SPECC1: variants seen among roughly 807,000 people sequenced by gnomAD.
The protein encoded by SPECC1 is sperm antigen with calponin homology and coiled-coil domains 1.
A neutral mutation model predicts 104.1 loss-of-function variants in SPECC1; 62 were observed. The observed-to-expected ratio is 0.60, with a 90% CI of 0.49 to 0.74. The LOEUF (loss-of-function observed/expected upper bound fraction) is 0.74, where lower values mean the gene tolerates loss of function less well. Among genes scored for constraint, SPECC1 ranks in the 30% least tolerant of loss-of-function variants. The pLI, the probability that SPECC1 is intolerant of heterozygous loss-of-function variation, is 0.00. For synonymous variants in SPECC1, 513 were observed against 501.6 expected (o/e 1.02, Z -0.30); for missense variants, 1,306 against 1,310.5 (o/e 1.00, Z 0.05).
intron 1 of SPECC1, chr17:20,057,875 A>G (rs1334245045): frequency 6.6e-6 from 1 of 152,110 alleles, no homozygotes; most frequent in Non-Finnish European, 1.5e-5. Context: ...ATGTTTCTTT[A>G]TATCATTTTG....
At chr17:20,133,842 C>G (rs2049784286) in intron 3 of SPECC1, among the ~76,000 whole-genome samples, 1 of 152,146 alleles carries the variant, frequency 6.6e-6, no homozygotes, top group Non-Finnish European at 1.5e-5. Context: ...TCCGTATTCC[C>G]AACCAGACCA....
At chr17:20,111,432 A>G (rs2048485677) in intron 3 of SPECC1, among the ~76,000 whole-genome samples, 1 of 152,232 alleles carries the variant, frequency 6.6e-6, no homozygotes. Flanking sequence ...TATAAAGGGA[A>G]TGGCCTGGTT....
chr17:20,204,663 C>A lies in SPECC1; in HGVS notation c.614C>A (p.Thr205Asn). 1 of 1,613,978 alleles carries A rather than the reference C, an allele frequency of 6.2e-7. No individual in the cohort carries two copies. Among genetic ancestry groups the A allele is most frequent in the African/African-American group, 1.3e-5 (1 of 74,974 alleles). ...KEKRTLNAEG[T>N]DALGPNVDGT... ...AAAAGGACTCTGAACGCTGAGGGGA[C>A]TGATGCTTTGGGCCCAAATGTCGAT... Residue 205 changes from threonine (T) to asparagine (N), a missense_variant, in exon 4 of 15, where the codon ACT (threonine) becomes AAT (asparagine). Physicochemically the swap from Thr to Asn is moderately conservative, Grantham distance 65. Coordinates refer to ENST00000395527, the MANE Select transcript of SPECC1 (RefSeq NM_001243439.2).
intron 3 of SPECC1, among the ~76,000 whole-genome samples, chr17:20,175,386 A>G (rs1442032931): frequency 6.6e-6 from 1 of 152,190 alleles, no homozygotes; most frequent in African/African-American, 2.4e-5. Context: ...GTTTACTGCA[A>G]GTTTTCTTCC....
chr17:20,222,893 C>T (rs2037973890), intron 4 of SPECC1, among the ~76,000 whole-genome samples: 1 of 152,042 alleles, frequency 6.6e-6, no homozygotes. Context: ...ATATGGCATG[C>T]CTCTCTCTCC....
intron 12 of SPECC1, among the ~76,000 whole-genome samples, chr17:20,296,404 T>C (rs1419582964): frequency 6.6e-6 from 1 of 152,250 alleles, no homozygotes; most frequent in Non-Finnish European, 1.5e-5. Context: ...ACCAGTACCA[T>C]GCTGTTTTGG....
intron 1 of SPECC1, among the ~76,000 whole-genome samples, chr17:20,061,715 T>G (rs1329718635): frequency 6.6e-6 from 1 of 152,224 alleles, no homozygotes; most frequent in African/African-American, 2.4e-5. Context: ...TTTTAATGTT[T>G]TCTATAACTT....
intron 3 of SPECC1, among the ~76,000 whole-genome samples, chr17:20,134,282 T>C (rs2049810828): frequency 6.6e-6 from 1 of 151,672 alleles, no homozygotes; most frequent in Non-Finnish European, 1.5e-5. Context: ...GCTGCCAGTA[T>C]CCTCAATTTA....
chr17:20,300,589 C>G (rs1021317217), intron 13 of SPECC1, among the ~76,000 whole-genome samples: 16 of 152,220 alleles, frequency 1.1e-4, no homozygotes, highest in Non-Finnish European at 1.8e-4. Context: ...AATTATGGAC[C>G]TAAAAGTGTT....
chr17:20,097,653 G>C (rs2047717089), intron 2 of SPECC1, among the ~76,000 whole-genome samples: 1 of 152,192 alleles, frequency 6.6e-6, no homozygotes, highest in African/African-American at 2.4e-5. Flanking sequence ...ACCAAGCATG[G>C]TGCCGGCTCC....
At chr17:20,068,889 C>G (rs1212092410) in intron 1 of SPECC1, among the ~76,000 whole-genome samples, 4 of 152,144 alleles carry the variant, frequency 2.6e-5, no homozygotes, top group Non-Finnish European at 5.9e-5. Context: ...TTTACACATT[C>G]TAGATACTAG....
At chr17:20,144,696 C>T (rs546245547) in intron 3 of SPECC1, among the ~76,000 whole-genome samples, 2 of 152,024 alleles carry the variant, frequency 1.3e-5, no homozygotes, top group Non-Finnish European at 2.9e-5. Context: ...ACTGGAGCTT[C>T]TGGGCTCAGG....
At chr17:20,043,625 TTAA>T (rs1423549973) in intron 1 of SPECC1, among the ~76,000 whole-genome samples, 2 of 152,338 alleles carry the variant, frequency 1.3e-5, no homozygotes, top group Admixed American at 1.3e-4. Context: ...CATGACTCTG[TTAA>T]TCTTTGGGCA....
At chr17:20,266,613 G>C (rs1249332934) in intron 12 of SPECC1, among the ~76,000 whole-genome samples, 1 of 152,154 alleles carries the variant, frequency 6.6e-6, no homozygotes. Context: ...TGTAGGTCCT[G>C]GGGATTCCAC....
intron 4 of SPECC1, among the ~76,000 whole-genome samples, chr17:20,214,473 G>A (rs1035444365): frequency 6.6e-6 from 1 of 152,108 alleles, no homozygotes; most frequent in African/African-American, 2.4e-5. Flanking sequence ...GAGTGAGTTG[G>A]GTGGGAAGAT....
At chr17:20,193,063 T>A (rs530912622) in intron 3 of SPECC1, among the ~76,000 whole-genome samples, 7 of 152,210 alleles carry the variant, frequency 4.6e-5, no homozygotes, top group Non-Finnish European at 1.0e-4. Flanking sequence ...TATTTTTTAA[T>A]GATATGCTAA....
chr17:20,137,172 G>GC (rs1451501821), intron 3 of SPECC1, among the ~76,000 whole-genome samples: 1 of 152,126 alleles, frequency 6.6e-6, no homozygotes, highest in Admixed American at 6.5e-5. Context: ...TTCTATATAT[G>GC]CCCTCATGTT....
intron 4 of SPECC1, among the ~76,000 whole-genome samples, chr17:20,210,496 A>G (rs537797644): frequency 8.3e-4 from 127 of 152,316 alleles, no homozygotes; most frequent in Admixed American, 2.0e-3. Flanking sequence ...TCTGGGTCCT[A>G]TGGGGAGAGG....
At position 20,227,545 on chromosome 17, in the gene SPECC1, T is replaced by C. The variant is rs2038298440; in HGVS notation, c.1996T>C (p.Phe666Leu). Residue 666 changes from phenylalanine (F) to leucine (L), a missense_variant, in exon 5 of 15, where the codon TTT (phenylalanine) becomes CTT (leucine). This residue lies in a region of SPECC1 where 1,177 missense variants were observed against 1,139.9 expected (regional missense o/e 1.03). Coordinates refer to ENST00000395527, the MANE Select transcript of SPECC1 (RefSeq NM_001243439.2). Reference protein sequence around the residue: ...AEIKDMKETIFELEDQVEQHR... With the variant: ...AEIKDMKETILELEDQVEQHR... ...GATCAAAGACATGAAAGAAACCATA[T>C]TTGAATTGGAAGATCAGGTGGAACA... 2 of 1,612,660 alleles carry C rather than the reference T, an allele frequency of 1.2e-6. No homozygotes were observed. Among genetic ancestry groups the C allele is most frequent in the Non-Finnish European group, 1.7e-6 (2 of 1,179,666 alleles).
Sources: gnomAD v4.1 joint callset for allele counts (sites outside exome capture counted in the v4.1 genomes callset) on GRCh38, gnomAD v4.1.1 for gene constraint, gnomAD v4.1.1 regional missense constraint, MANE v1.5 for transcripts, NCBI Gene and HGNC (gene_info 2026-07-23, HGNC 2026-07-21) for gene names.